Variants in ARFGEF1 observed in about 807,000 individuals in gnomAD.
ARFGEF1 encodes the protein ARF guanine nucleotide exchange factor 1.
In ARFGEF1, 42 loss-of-function variants were observed where a neutral mutation model predicts 231.0. The ratio of observed to expected loss-of-function variants is 0.18; its 90% CI spans 0.14 to 0.24. The LOEUF (loss-of-function observed/expected upper bound fraction) is 0.24, where lower values mean the gene tolerates loss of function less well. ARFGEF1 is among the 10% of genes least tolerant of loss of function. The pLI is 1.00. For missense variants in ARFGEF1, 1,345 were observed against 2,192.0 expected (o/e 0.61, Z 7.72); for synonymous variants, 710 against 732.3 (o/e 0.97, Z 0.49).
chr8:67,185,158 C>G (rs1834229325), intron 5 of ARFGEF1, among the ~76,000 whole-genome samples: 1 of 151,892 alleles, frequency 6.6e-6, no homozygotes, highest in Admixed American at 6.6e-5. Context: ...ACAACATAGT[C>G]CAAGAGCCTG....
At position 67,200,529 on chromosome 8, in the gene ARFGEF1, T is replaced by G. The variant is rs764794086; in HGVS notation, c.5268-16A>C. On this transcript the variant is annotated splice_polypyrimidine_tract_variant and intron_variant, in intron 37 of 38. Coordinates refer to ENST00000262215, the MANE Select transcript of ARFGEF1 (RefSeq NM_006421.5). ...ACTGCAGACACTGCAAAAGAAAAGGTTTCCTTTAATGTTACTTGCGTATCT... is the reference window on the plus strand; with the variant it reads ...ACTGCAGACACTGCAAAAGAAAAGGGTTCCTTTAATGTTACTTGCGTATCT... The G allele has an allele frequency of 6.7e-6, 10 of 1,487,346 alleles. No homozygotes were observed. Among genetic ancestry groups the G allele is most frequent in the Non-Finnish European group, 8.4e-6 (9 of 1,067,974 alleles). 92.1% of individuals were successfully genotyped at this position (1,487,346 alleles called of 1,614,324 possible).
chr8:67,201,914 A>G (rs1838343343), intron 36 of ARFGEF1: 6 of 321,948 alleles, frequency 1.9e-5, no homozygotes, highest in Non-Finnish European at 3.4e-5. Context: ...CCTCAGATAA[A>G]CAGGGGCAAC....
chr8:67,250,186 AAGC>A (rs1840235226), intron 19 of ARFGEF1, among the ~76,000 whole-genome samples: 1 of 152,156 alleles, frequency 6.6e-6, no homozygotes, highest in African/African-American at 2.4e-5. Flanking sequence ...AGCCAATAAA[AAGC>A]TTCAAGTAAG....
intron 34 of ARFGEF1, among the ~76,000 whole-genome samples, chr8:67,205,436 A>T (rs1838478198): frequency 6.6e-6 from 1 of 152,222 alleles, no homozygotes; most frequent in Non-Finnish European, 1.5e-5. Context: ...CTGATTTAGA[A>T]CAATAATATA....
At chr8:67,273,419 C>CTTTAAAA (rs1805182303) in intron 9 of ARFGEF1, among the ~76,000 whole-genome samples, 1 of 56,610 alleles carries the variant, frequency 1.8e-5, no homozygotes. Flanking sequence ...TTTTTTTTCC[C>CTTTAAAA]AAAAAAAAAA....
intron 1 of ARFGEF1, among the ~76,000 whole-genome samples, chr8:67,335,144 C>T (rs1409504149): frequency 7.5e-6 from 1 of 133,762 alleles, no homozygotes; most frequent in Non-Finnish European, 1.5e-5. Context: ...CTCACTCTGT[C>T]ACCCAGGCTG....
chr8:67,235,415 C>A (rs1839695103), intron 22 of ARFGEF1, among the ~76,000 whole-genome samples: 1 of 152,064 alleles, frequency 6.6e-6, no homozygotes, highest in African/African-American at 2.4e-5. Flanking sequence ...GAAAAGCAAT[C>A]ACAATAGAGA....
chr8:67,340,017 CA>C (rs148178244), intron 1 of ARFGEF1, among the ~76,000 whole-genome samples: 158 of 142,134 alleles, frequency 1.1e-3, no homozygotes, highest in Middle Eastern at 3.5e-3. Flanking sequence ...TACTTTTTGA[CA>C]AAAAAAAAAG....
intron 5 of ARFGEF1, among the ~76,000 whole-genome samples, chr8:67,185,321 G>T (rs924325192): frequency 6.6e-6 from 1 of 152,092 alleles, no homozygotes; most frequent in Non-Finnish European, 1.5e-5. Flanking sequence ...ACTAAAGGCC[G>T]ACAAAGATTA....
At chr8:67,209,174 G>C (rs1308670844) in intron 34 of ARFGEF1, among the ~76,000 whole-genome samples, 1 of 152,194 alleles carries the variant, frequency 6.6e-6, no homozygotes, top group Non-Finnish European at 1.5e-5. Flanking sequence ...GACAACTACA[G>C]GTGAAACAAA....
At chr8:67,253,731 A>T in intron 17 of ARFGEF1, 109 bp from the exon 18 acceptor site, 1 of 596,332 alleles carries the variant, frequency 1.7e-6, no homozygotes. Flanking sequence ...TTTTGAGGAT[A>T]GAAACTGGAA....
intron 29 of ARFGEF1, among the ~76,000 whole-genome samples, chr8:67,223,268 G>A (rs1296103196): frequency 2.6e-5 from 4 of 152,148 alleles, no homozygotes; most frequent in African/African-American, 9.7e-5. Context: ...GGAGTACAGT[G>A]GTGTGATCAG....
chr8:67,296,150 A>G (rs866421418), intron 5 of ARFGEF1, among the ~76,000 whole-genome samples: 4 of 152,210 alleles, frequency 2.6e-5, no homozygotes, highest in South Asian at 2.1e-4. Flanking sequence ...TGAATGCAAT[A>G]AAAGTATTAA....
chr8:67,266,015 C>G lies in ARFGEF1; in HGVS notation c.2114G>C (p.Gly705Ala). 1 of 1,613,400 alleles carries G rather than the reference C, an allele frequency of 6.2e-7. No individual in the cohort carries two copies. Among genetic ancestry groups the G allele is most frequent in the Non-Finnish European group, 8.5e-7 (1 of 1,179,580 alleles). ...AAGCTATGACACTTACAAATCTATC[C>G]CTTGTTCTATTATTTCTTTTTGTTG... The part of the protein sequence containing the change: ...LKQQKEIIEQ[G>A]IDLFNKKPKR... The change falls in exon 14 of 39, where the codon GGG becomes GCG. Residue 705 changes from glycine (G) to alanine (A), a missense_variant. Transcript: ENST00000262215.
chr8:67,191,727 G>A (rs1204748831), intron 5 of ARFGEF1, among the ~76,000 whole-genome samples: 1 of 152,178 alleles, frequency 6.6e-6, no homozygotes. Flanking sequence ...TAATGTTCAT[G>A]TAGAAGTTTC....
chr8:67,203,951 A>AT (rs1838423558), intron 35 of ARFGEF1, among the ~76,000 whole-genome samples: 2 of 152,058 alleles, frequency 1.3e-5, no homozygotes, highest in South Asian at 4.2e-4. Flanking sequence ...ATGAGGTACT[A>AT]TCTCCACTCA....
chr8:67,204,614 A>G, intron 35 of ARFGEF1, 66 bp downstream of exon 35: 1 of 1,517,904 alleles, frequency 6.6e-7, no homozygotes, highest in South Asian at 1.3e-5. Flanking sequence ...CTAACTCTAC[A>G]GCCCAGACTG....
In ARFGEF1 at chr8:67,223,243, T is replaced by G. The variant is rs768034703; in HGVS notation, c.4208+1660A>C. 2.6e-5 allele frequency among the ~76,000 whole-genome samples: 4 copies of G among 152,156 alleles called. 1 individual carries two copies. Among genetic ancestry groups the G allele is most frequent in the South Asian group, 4.1e-4 (2 of 4,828 alleles). On this transcript the variant is annotated intron_variant, in intron 29 of 38. Transcript: ENST00000262215. ...TGTTGTTAAAGACAGAGAGTCTCAA[T>G]TTGTTGCCTAGGCTGGAGTACAGTG... is the stretch of plus-strand genomic sequence containing the variant.
intron 1 of ARFGEF1, among the ~76,000 whole-genome samples, chr8:67,326,446 T>C (rs1236721637): frequency 6.6e-6 from 1 of 152,220 alleles, no homozygotes; most frequent in African/African-American, 2.4e-5. Flanking sequence ...TCCATACCTT[T>C]TCTGGATGTG....
Sources: allele counts gnomAD v4.1 joint callset (sites outside exome capture counted in the v4.1 genomes callset), GRCh38; gene constraint gnomAD v4.1.1; transcripts MANE v1.5; gene names NCBI Gene and HGNC (gene_info 2026-07-23, HGNC 2026-07-21).